Variants in DNER observed in about 807,000 individuals in gnomAD.
DNER encodes delta and Notch-like epidermal growth factor-related receptor.
A neutral mutation model predicts 78.2 loss-of-function variants in DNER; 33 were observed. The observed-to-expected ratio is 0.42, with a 90% CI of 0.32 to 0.56. DNER has a LOEUF of 0.56. Among genes scored for constraint, DNER ranks in the 20% least tolerant of loss-of-function variants. DNER has a pLI of 0.11. For missense variants in DNER, 918 were observed against 975.3 expected (o/e 0.94, Z 0.78); for synonymous variants, 417 against 384.8 (o/e 1.08, Z -0.98).
intron 4 of DNER, among the ~76,000 whole-genome samples, chr2:229,550,051 G>A (rs114746621): frequency 0.019 from 2,895 of 151,404 alleles, 77 homozygotes; most frequent in African/African-American, 0.058. Context: ...GGACTGCAGC[G>A]GCATAATCTT....
chr2:229,403,169 G>T (rs938902783), intron 10 of DNER, among the ~76,000 whole-genome samples: 9 of 152,182 alleles, frequency 5.9e-5, no homozygotes, highest in African/African-American at 2.2e-4. Flanking sequence ...CTCAGTAGCT[G>T]GCCAAGTGTA....
chr2:229,495,870 C>A (rs1266330903), intron 6 of DNER, among the ~76,000 whole-genome samples: 1 of 152,210 alleles, frequency 6.6e-6, no homozygotes, highest in Non-Finnish European at 1.5e-5. Flanking sequence ...ATTCTCATAT[C>A]ATGTCTACCT....
chr2:229,554,535 T>C (rs1173391103), intron 4 of DNER, among the ~76,000 whole-genome samples: 1 of 152,006 alleles, frequency 6.6e-6, no homozygotes, highest in Non-Finnish European at 1.5e-5. Context: ...GTACTAAAAA[T>C]ACAAAAATCA....
At chr2:229,472,351 G>A (rs1285973215) in intron 7 of DNER, among the ~76,000 whole-genome samples, 1 of 152,162 alleles carries the variant, frequency 6.6e-6, no homozygotes, top group Non-Finnish European at 1.5e-5. Context: ...AGAAGGGGAT[G>A]GTCATGCTGC....
At chr2:229,620,529 C>T (rs899285724) in intron 1 of DNER, among the ~76,000 whole-genome samples, 1 of 152,204 alleles carries the variant, frequency 6.6e-6, no homozygotes, top group African/African-American at 2.4e-5. Flanking sequence ...TGAGCCGCAG[C>T]CTCGAGGCAG....
intron 1 of DNER, among the ~76,000 whole-genome samples, 173 bp from the exon 2 acceptor site, chr2:229,592,061 C>T (rs1001482184): frequency 3.3e-5 from 5 of 152,032 alleles, no homozygotes; most frequent in Non-Finnish European, 4.4e-5. Context: ...CAAGGTCATC[C>T]GAACATTAAC....
At chr2:229,456,877 T>C (rs1270801911) in intron 7 of DNER, among the ~76,000 whole-genome samples, 1 of 151,374 alleles carries the variant, frequency 6.6e-6, no homozygotes. Flanking sequence ...GACAAGCTGC[T>C]GAAAACCAAA....
chr2:229,587,730 G>A (rs2154214518), intron 3 of DNER, among the ~76,000 whole-genome samples: 1 of 152,178 alleles, frequency 6.6e-6, no homozygotes, highest in South Asian at 2.1e-4. Flanking sequence ...CCGGCCTGGG[G>A]CACCCTAATA....
In DNER at chr2:229,579,891, A is replaced by T. The variant is rs142378128; in HGVS notation, c.847+5967T>A. Among the ~76,000 whole-genome samples, 907 of 152,248 alleles carry T rather than the reference A, an allele frequency of 6.0e-3. 17 individuals are homozygous for T. Among genetic ancestry groups the T allele is most frequent in the African/African-American group, 0.02 (850 of 41,548 alleles). The stretch of plus-strand genomic sequence containing the variant: ...AGCTTGGTAAGAAGACTTTATGGTA[A>T]GTCCATAAAGAATAAAATCCTGGGG... On this transcript the variant is annotated intron_variant, in intron 4 of 12. Coordinates refer to ENST00000341772, the MANE Select transcript of DNER (RefSeq NM_139072.4).
chr2:229,445,100 G>A (rs1198905874), intron 8 of DNER, among the ~76,000 whole-genome samples: 1 of 152,210 alleles, frequency 6.6e-6, no homozygotes, highest in African/African-American at 2.4e-5. Context: ...GCTGGGAACA[G>A]CGTGCTCGTG....
intron 6 of DNER, among the ~76,000 whole-genome samples, chr2:229,506,030 G>A (rs191674425): frequency 3.3e-5 from 5 of 152,252 alleles, no homozygotes; most frequent in Non-Finnish European, 7.4e-5. Context: ...AGATCAATTT[G>A]CCATCTCCTG....
At chr2:229,572,653 C>T (rs6759476) in intron 4 of DNER, among the ~76,000 whole-genome samples, 129,082 of 152,164 alleles carry the variant, frequency 0.85, 55,447 homozygotes, top group Non-Finnish European at 0.92. Flanking sequence ...GGAAGCAGAC[C>T]TTGATAGTGG....
intron 8 of DNER, among the ~76,000 whole-genome samples, chr2:229,445,953 T>G (rs1694332429): frequency 6.6e-6 from 1 of 152,212 alleles, no homozygotes; most frequent in Admixed American, 6.5e-5. Context: ...AAAAGGCTTT[T>G]CAACACCATT....
At position 229,635,361 on chromosome 2, in the gene DNER, G is replaced by GAAAAAAAAAAAAA. The variant is rs58220819; in HGVS notation, c.277-43486_277-43474dup. On this transcript the variant is annotated intron_variant, in intron 1 of 12. Transcript: ENST00000341772. Reference sequence around the variant, plus strand: ...CTATGGATGCACTAAGGTCCCACAGGAAAAAAAAAAAAAAAAAAAAAAAAC... The same window carrying GAAAAAAAAAAAAA: ...CTATGGATGCACTAAGGTCCCACAGGAAAAAAAAAAAAAAAAAAAAAAAAAAAAAAAAAAAAAC... Among the ~76,000 whole-genome samples the GAAAAAAAAAAAAA allele has an allele frequency of 3.4e-4, 29 of 85,870 alleles. 1 individual carries two copies. Among genetic ancestry groups the GAAAAAAAAAAAAA allele is most frequent in the African/African-American group, 1.2e-3 (24 of 19,748 alleles). The allele number at this position is 85,870 out of a possible 152,430, so 56.3% of individuals were successfully genotyped here.
At chr2:229,531,456 A>G (rs1158459799) in intron 5 of DNER, among the ~76,000 whole-genome samples, 1 of 152,254 alleles carries the variant, frequency 6.6e-6, no homozygotes, top group African/African-American at 2.4e-5. Context: ...AACCAAAAGC[A>G]CAAGATACCA....
intron 8 of DNER, among the ~76,000 whole-genome samples, chr2:229,427,046 C>T (rs981380707): frequency 6.6e-6 from 1 of 152,156 alleles, no homozygotes; most frequent in Non-Finnish European, 1.5e-5. Context: ...GTCAGAAGAC[C>T]CAAATCAGTC....
intron 10 of DNER, among the ~76,000 whole-genome samples, chr2:229,406,676 G>A (rs1693391469): frequency 6.6e-6 from 1 of 152,132 alleles, no homozygotes; most frequent in Non-Finnish European, 1.5e-5. Flanking sequence ...TCATAAGGGG[G>A]TGACTTTGAA....
chr2:229,702,028 A>ACTTT (rs1559214587), intron 1 of DNER: 2 of 191,794 alleles, frequency 1.0e-5, no homozygotes, highest in Admixed American at 5.2e-5. Context: ...TATTGGAAAG[A>ACTTT]TCCAAATAAT....
chr2:229,564,344 ATCATCATCATCC>A (rs1697052675), intron 4 of DNER, among the ~76,000 whole-genome samples: 1 of 148,764 alleles, frequency 6.7e-6, no homozygotes, highest in African/African-American at 2.5e-5. Flanking sequence ...CATCACCATC[ATCATCATCATCC>A]TCACCCCATC....
Sources: gnomAD v4.1 joint callset for allele counts (sites outside exome capture counted in the v4.1 genomes callset) on GRCh38, gnomAD v4.1.1 for gene constraint, MANE v1.5 for transcripts, NCBI Gene and HGNC (gene_info 2026-07-23, HGNC 2026-07-21) for gene names.